NLGN1: variants seen among roughly 807,000 people sequenced by gnomAD.
NLGN1 encodes the protein neuroligin 1.
Under a neutral mutation model 65.5 loss-of-function variants are expected in NLGN1, and 12 were observed. The ratio of observed to expected loss-of-function variants is 0.18; its 90% CI spans 0.12 to 0.30. The LOEUF is 0.30. Ranked by LOEUF, NLGN1 falls within the 10% of genes least tolerant of loss-of-function variation. The pLI is 1.00. For missense variants in NLGN1, 750 were observed against 1,007.1 expected, an observed-to-expected ratio of 0.74 and a Z score of 3.46; for synonymous variants, 350 against 359.5, an observed-to-expected ratio of 0.97 and a Z score of 0.30.
intron 4 of NLGN1, among the ~76,000 whole-genome samples, chr3:174,062,566 A>T (rs1420901233): frequency 6.6e-6 from 1 of 152,062 alleles, no homozygotes; most frequent in African/African-American, 2.4e-5. Flanking sequence ...CTCTAAAAAA[A>T]AACACTAATT....
At chr3:173,912,735 A>G (rs1255747579) in intron 4 of NLGN1, 1 of 152,222 alleles carries the variant, frequency 6.6e-6, no homozygotes, top group African/African-American at 2.4e-5. Context: ...GAGAAATTTT[A>G]TGATATAATA....
At chr3:173,434,343 A>G (rs771047674) in intron 1 of NLGN1, among the ~76,000 whole-genome samples, 5 of 152,202 alleles carry the variant, frequency 3.3e-5, no homozygotes, top group Non-Finnish European at 5.9e-5. Flanking sequence ...AAATTTTAAC[A>G]TGCATATGAA....
chr3:174,034,678 A>C (rs1730743112), intron 4 of NLGN1, among the ~76,000 whole-genome samples: 1 of 152,156 alleles, frequency 6.6e-6, no homozygotes, highest in Non-Finnish European at 1.5e-5. Context: ...TTTTTTAAAG[A>C]AATATAGTTG....
intron 3 of NLGN1, among the ~76,000 whole-genome samples, chr3:173,771,655 A>C (rs559319925): frequency 2.0e-4 from 5 of 25,386 alleles, no homozygotes; most frequent in Non-Finnish European, 7.0e-4. Flanking sequence ...CTAGAATTTG[A>C]CAAATTACCA....
exon 7 of NLGN1, chr3:174,282,931 A>G (rs1751709599): frequency 6.6e-6 from 1 of 152,024 alleles, no homozygotes; most frequent in South Asian, 2.1e-4. Context: ...CTCTTTTTCA[A>G]GAATGAAAGA....
chr3:173,926,678 GTAATGTTCCA>G (rs1260580146), intron 4 of NLGN1, among the ~76,000 whole-genome samples: 1 of 152,160 alleles, frequency 6.6e-6, no homozygotes, highest in Non-Finnish European at 1.5e-5. Context: ...ATCGCACCTT[GTAATGTTCCA>G]TGTTTACGTG....
At chr3:174,209,800 T>A (rs1168194032) in intron 4 of NLGN1, among the ~76,000 whole-genome samples, 1 of 151,864 alleles carries the variant, frequency 6.6e-6, no homozygotes, top group Non-Finnish European at 1.5e-5. Context: ...ATCCGGCTAA[T>A]TTTTGTATTT....
chr3:173,664,983 C>T (rs1479441699), intron 3 of NLGN1, among the ~76,000 whole-genome samples: 1 of 151,926 alleles, frequency 6.6e-6, no homozygotes, highest in African/African-American at 2.4e-5. Flanking sequence ...TAATATATTC[C>T]GTATTAGTGA....
chr3:173,623,333 G>C (rs1258000953), intron 3 of NLGN1, among the ~76,000 whole-genome samples: 1 of 149,382 alleles, frequency 6.7e-6, no homozygotes, highest in Non-Finnish European at 1.5e-5. Context: ...TGTAAAAATG[G>C]GGAAATGTGA....
At chr3:173,416,051 A>G (rs1713729854) in intron 1 of NLGN1, among the ~76,000 whole-genome samples, 1 of 152,126 alleles carries the variant, frequency 6.6e-6, no homozygotes, top group Non-Finnish European at 1.5e-5. Context: ...TATCTTGGAA[A>G]TGATAGATTC....
chr3:174,214,677 T>C (rs1385324886), intron 4 of NLGN1, among the ~76,000 whole-genome samples: 1 of 152,180 alleles, frequency 6.6e-6, no homozygotes, highest in Middle Eastern at 3.2e-3. Flanking sequence ...ATTCTCCATA[T>C]TATAGTATAG....
At chr3:174,027,396 A>G (rs1293544030) in intron 4 of NLGN1, among the ~76,000 whole-genome samples, 1 of 152,136 alleles carries the variant, frequency 6.6e-6, no homozygotes, top group Non-Finnish European at 1.5e-5. Flanking sequence ...CTGGAACTCT[A>G]ACCACTACTT....
Position 173,408,037 on chromosome 3 carries a change from G to A in NLGN1, c.-390+9550G>A, listed in dbSNP as rs919254597. Among the ~76,000 whole-genome samples the A allele has an allele frequency of 4.6e-5, 7 of 152,132 alleles. No homozygotes were observed. The East Asian group carries it at 1.2e-3, about 25-fold the overall frequency. On this transcript the variant is annotated intron_variant, in intron 1 of 6. Transcript: ENST00000457714. ...AAAATCAAGCTGAGATTATTTGATT[G>A]CCTGTCATCAAATGAGAAGATTCTT... is the stretch of plus-strand genomic sequence containing the variant.
At chr3:173,848,040 G>A (rs926190615) in intron 4 of NLGN1, among the ~76,000 whole-genome samples, 2 of 152,038 alleles carry the variant, frequency 1.3e-5, no homozygotes, top group Non-Finnish European at 2.9e-5. Context: ...TTTGTTAATG[G>A]TAGGGTATGA....
chr3:173,917,920 C>T (rs1423049694), intron 4 of NLGN1, among the ~76,000 whole-genome samples: 4 of 151,332 alleles, frequency 2.6e-5, no homozygotes, highest in Non-Finnish European at 2.9e-5. Flanking sequence ...TTTAAATCAA[C>T]AGGCTATGGT....
At position 173,508,626 on chromosome 3, in the gene NLGN1, A is replaced by G. The variant is rs1006512767; in HGVS notation, c.-321+73548A>G. ...TGGTTGTTCTTCTCTGGAGCCCTCT[A>G]CTCCTGCCTTCCCTCTGCTCCTTTT... On this transcript the variant is annotated intron_variant, in intron 2 of 6. Coordinates refer to ENST00000457714, the Ensembl canonical transcript of NLGN1. Among the ~76,000 whole-genome samples, 5 of 151,526 alleles carry G rather than the reference A, an allele frequency of 3.3e-5. No homozygotes were observed. The South Asian group carries it at 1.0e-3, about 32-fold the overall frequency.
Position 174,186,960 on chromosome 3 carries a change from A to G in NLGN1, c.647-88355A>G, listed in dbSNP as rs527291378. On this transcript the variant is annotated intron_variant, in intron 4 of 6. Coordinates refer to ENST00000457714, the Ensembl canonical transcript of NLGN1. ...TCCCTCCAGATACTACATTGCCATGATGCTCAAGTCCCTTATATAAATGGC... is the reference window on the plus strand; with the variant it reads ...TCCCTCCAGATACTACATTGCCATGGTGCTCAAGTCCCTTATATAAATGGC... Among the ~76,000 whole-genome samples the G allele has an allele frequency of 5.5e-5, 6 of 109,852 alleles. No homozygotes were observed. The South Asian group carries it at 1.1e-3, about 21-fold the overall frequency. 72.1% of individuals were successfully genotyped at this position (109,852 alleles called of 152,430 possible). A position where few individuals can be genotyped will look rare whatever the true frequency, so the allele number is the denominator to read the frequency against.
chr3:174,188,712 A>G (rs1731855075), intron 4 of NLGN1, among the ~76,000 whole-genome samples: 1 of 151,974 alleles, frequency 6.6e-6, no homozygotes, highest in Non-Finnish European at 1.5e-5. Flanking sequence ...TCCAGGTATT[A>G]GACCTTTAGG....
At chr3:174,076,029 A>G (rs1015525049) in intron 4 of NLGN1, among the ~76,000 whole-genome samples, 1 of 152,174 alleles carries the variant, frequency 6.6e-6, no homozygotes, top group Non-Finnish European at 1.5e-5. Context: ...ATATCATTCA[A>G]TTAGCTCATA....
Sources: allele counts gnomAD v4.1 joint callset (sites outside exome capture counted in the v4.1 genomes callset), GRCh38; gene constraint gnomAD v4.1.1; transcripts MANE v1.5; gene names NCBI Gene and HGNC (gene_info 2026-07-23, HGNC 2026-07-21).